MAL: variants seen among roughly 807,000 people sequenced by gnomAD.
The protein encoded by MAL is myelin and lymphocyte protein.
Under a neutral mutation model 16.7 loss-of-function variants are expected in MAL, and 5 were observed. The observed-to-expected ratio is 0.30, with a 90% CI of 0.16 to 0.63. The LOEUF (loss-of-function observed/expected upper bound fraction) is 0.63, where lower values mean the gene tolerates loss of function less well. MAL is among the 30% of genes least tolerant of loss of function. MAL has a pLI of 0.82. For synonymous variants in MAL, 96 were observed against 85.5 expected (o/e 1.12, Z -0.67); for missense variants, 202 against 195.8 (o/e 1.03, Z -0.19).
At chr2:95,052,367 T>G (rs1212604346) in intron 3 of MAL, among the ~76,000 whole-genome samples, 2 of 152,198 alleles carry the variant, frequency 1.3e-5, no homozygotes, top group African/African-American at 4.8e-5. Flanking sequence ...AATGCCCACC[T>G]TTTATGGAGG....
rs1158204091 is a variant in MAL at position 95,047,946 on chromosome 2, T to A, written c.94-13T>A. The A allele has an allele frequency of 1.2e-6, 2 of 1,611,078 alleles. No individual in the cohort carries two copies. Among genetic ancestry groups the A allele is most frequent in the South Asian group, 2.2e-5 (2 of 90,960 alleles). The stretch of plus-strand genomic sequence containing the variant: ...CCTCTAGGCCAAAACTCACCCCTCC[T>A]CCTCCCCCGCAGATCTTCGGGGGCC... On this transcript the variant is annotated splice_polypyrimidine_tract_variant and intron_variant, in intron 1 of 3. Transcript: ENST00000309988.
chr2:95,050,689 T>C (rs1276427836), intron 3 of MAL, among the ~76,000 whole-genome samples: 1 of 152,196 alleles, frequency 6.6e-6, no homozygotes, highest in Non-Finnish European at 1.5e-5. Context: ...CACAGTCCCC[T>C]GCCCTGGGGA....
At chr2:95,046,640 G>A (rs1674592087) in intron 1 of MAL, among the ~76,000 whole-genome samples, 1 of 152,084 alleles carries the variant, frequency 6.6e-6, no homozygotes, top group Admixed American at 6.6e-5. Context: ...ACTGACCCTG[G>A]CGACATCAAC....
chr2:95,039,246 GAGTA>G (rs1204035961), intron 1 of MAL, among the ~76,000 whole-genome samples: 1 of 151,352 alleles, frequency 6.6e-6, no homozygotes, highest in Non-Finnish European at 1.5e-5. Flanking sequence ...GTGACTGAGT[GAGTA>G]AGTGTCTGAG....
chr2:95,035,782 G>A (rs1314694277), intron 1 of MAL, among the ~76,000 whole-genome samples: 1 of 150,458 alleles, frequency 6.6e-6, no homozygotes, highest in Non-Finnish European at 1.5e-5. Flanking sequence ...CCATTCTCCT[G>A]CCTCAGCCTC....
chr2:95,030,661 G>T (rs1245633402), intron 1 of MAL, among the ~76,000 whole-genome samples: 1 of 152,168 alleles, frequency 6.6e-6, no homozygotes, highest in Non-Finnish European at 1.5e-5. Flanking sequence ...TCCTCCCCAG[G>T]CCACAAAGGA....
chr2:95,046,326 C>T (rs1674584443), intron 1 of MAL, among the ~76,000 whole-genome samples: 1 of 152,046 alleles, frequency 6.6e-6, no homozygotes, highest in Non-Finnish European at 1.5e-5. Context: ...AAAGGAATCT[C>T]CACATAGGCC....
At chr2:95,038,564 G>C (rs150066000) in intron 1 of MAL, among the ~76,000 whole-genome samples, 19 of 151,142 alleles carry the variant, frequency 1.3e-4, no homozygotes, top group African/African-American at 3.9e-4. Context: ...GAGTGAGTGA[G>C]TGACTGAGTG....
intron 2 of MAL, among the ~76,000 whole-genome samples, chr2:95,049,344 C>T (rs1674661610): frequency 6.6e-6 from 1 of 152,204 alleles, no homozygotes; most frequent in South Asian, 2.1e-4. Context: ...TCCCTTGACC[C>T]TTCCTCAGGG....
At chr2:95,038,428 CTGAG>C (rs1201004900) in intron 1 of MAL, among the ~76,000 whole-genome samples, 1 of 112,502 alleles carries the variant, frequency 8.9e-6, no homozygotes, top group Non-Finnish European at 1.9e-5. Flanking sequence ...GAATGAGTGA[CTGAG>C]TGACTGAGTG....
chr2:95,040,100 C>A (rs185829011), intron 1 of MAL, among the ~76,000 whole-genome samples: 1 of 152,082 alleles, frequency 6.6e-6, no homozygotes, highest in Non-Finnish European at 1.5e-5. Context: ...AGTAGCTCAT[C>A]CTTAACCCAG....
rs72942251 is a variant in MAL, at chr2:95,032,650, C to T, written c.93+6765C>T. ...TCCTTCTCACAGCTTTCAGATTGTT[C>T]CCAAGGGCATGGAGCATGGAGCAGG... On this transcript the variant is annotated intron_variant, in intron 1 of 3. Coordinates refer to ENST00000309988, the MANE Select transcript of MAL (RefSeq NM_002371.4). 4.7e-3 allele frequency among the ~76,000 whole-genome samples: 711 copies of T among 152,266 alleles called. 8 individuals are homozygous for T. Among genetic ancestry groups the T allele is most frequent in the African/African-American group, 0.016 (671 of 41,562 alleles).
intron 1 of MAL, among the ~76,000 whole-genome samples, chr2:95,042,079 G>C (rs879067927): frequency 6.6e-6 from 1 of 152,154 alleles, no homozygotes; most frequent in Admixed American, 6.5e-5. Flanking sequence ...ACCCAAGGAC[G>C]AGCTAGTCTC....
chr2:95,049,198 C>T (rs1397257678), intron 2 of MAL, among the ~76,000 whole-genome samples: 1 of 152,170 alleles, frequency 6.6e-6, no homozygotes, highest in Non-Finnish European at 1.5e-5. Flanking sequence ...ACGAAAGAAA[C>T]AGCATGGTCC....
In MAL at chr2:95,048,020, A is replaced by C; in HGVS notation, c.155A>C (p.Gln52Pro). 1 of 1,613,852 alleles carries C rather than the reference A, an allele frequency of 6.2e-7. No individual in the cohort carries two copies. The highest frequency in any genetic ancestry group is 8.5e-7 in the Non-Finnish European group (1 of 1,179,900). The stretch of plus-strand genomic sequence containing the variant: ...TCCCTGGTGCCCTGGCCCCTGGTCC[A>C]GGGCTGGGTGATGTTCGTGTCTGTG... ...ASSLVPWPLVQGWVMFVSVFC... is the reference protein window; with the variant it reads ...ASSLVPWPLVPGWVMFVSVFC... The change falls in exon 2 of 4, where the codon CAG becomes CCG. Residue 52 changes from glutamine to proline, a missense_variant. Gln to Pro is a moderately conservative substitution (Grantham distance 76, BLOSUM62 -1). Coordinates refer to ENST00000309988, the MANE Select transcript of MAL (RefSeq NM_002371.4).
chr2:95,033,009 C>G (rs1486328641), intron 1 of MAL, among the ~76,000 whole-genome samples: 4 of 152,244 alleles, frequency 2.6e-5, no homozygotes, highest in African/African-American at 7.2e-5. Context: ...GGTGCAGGGT[C>G]GCACAGCCAG....
At chr2:95,031,722 GT>G (rs1674087969) in intron 1 of MAL, among the ~76,000 whole-genome samples, 1 of 152,222 alleles carries the variant, frequency 6.6e-6, no homozygotes. Context: ...TGGTGGCTGA[GT>G]TGGCCTTCTC....
intron 1 of MAL, among the ~76,000 whole-genome samples, chr2:95,035,965 A>T (rs540143399): frequency 1.1e-4 from 17 of 152,132 alleles, no homozygotes; most frequent in Non-Finnish European, 2.2e-4. Flanking sequence ...CACCGTGCCC[A>T]GCAACAGCTC....
At chr2:95,038,596 C>CTGAGTGGGTGAGTGACTGAG (rs1558658780) in intron 1 of MAL, among the ~76,000 whole-genome samples, 2 of 55,102 alleles carry the variant, frequency 3.6e-5, no homozygotes, top group Non-Finnish European at 7.8e-5. Flanking sequence ...GACTGAGTGA[C>CTGAGTGGGTGAGTGACTGAG]TGAGTGGGTG....
Sources: allele counts gnomAD v4.1 joint callset (sites outside exome capture counted in the v4.1 genomes callset), GRCh38; gene constraint gnomAD v4.1.1; transcripts MANE v1.5; gene names NCBI Gene and HGNC (gene_info 2026-07-23, HGNC 2026-07-21).